AFF2: variants seen among roughly 807,000 people sequenced by gnomAD.
AFF2 encodes AF4/FMR2 family member 2.
In AFF2, 14 loss-of-function variants were observed where a neutral mutation model predicts 76.9. That is an observed-to-expected ratio of 0.18 (90% confidence interval 0.12 to 0.28). AFF2 has a LOEUF of 0.28. Among genes scored for constraint, AFF2 ranks in the 10% least tolerant of loss-of-function variants. AFF2 has a pLI of 1.00. For missense variants in AFF2, 868 were observed against 1,001.1 expected (o/e 0.87, Z 1.79); for synonymous variants, 398 against 366.7 (o/e 1.09, Z -0.98).
At chrX:148,844,924 T>C (rs1270468572) in intron 7 of AFF2, among the ~76,000 whole-genome samples, 1 of 111,721 alleles carries the variant, frequency 9.0e-6, no homozygotes, top group Non-Finnish European at 1.9e-5. Flanking sequence ...TAATCCCGAT[T>C]TAAGGACCGA....
chrX:148,976,490 A>G lies in AFF2; in HGVS notation c.3405-1443A>G, dbSNP rs782602759. 3.6e-5 allele frequency among the ~76,000 whole-genome samples: 4 copies of G among 112,163 alleles called. No individual in the cohort carries two copies. In the East Asian group the frequency reaches 1.1e-3, roughly 31 times the overall value. On this transcript the variant is annotated intron_variant, in intron 16 of 20. Coordinates refer to ENST00000370460, the MANE Select transcript of AFF2 (RefSeq NM_002025.4). ...TTTAATGAGAGGAATTTCAGTTGGG[A>G]ATAAAATGAGTTAAAGCAACTAGGT...
At chrX:148,517,861 CA>C (rs5904237) in intron 1 of AFF2, among the ~76,000 whole-genome samples, 88 of 97,284 alleles carry the variant, frequency 9.0e-4, no homozygotes, top group Admixed American at 1.5e-3. Flanking sequence ...ACTAAAAATA[CA>C]AAAAAAAAAA....
At chrX:148,661,214 G>A (rs890909174) in intron 2 of AFF2, among the ~76,000 whole-genome samples, 5 of 112,657 alleles carry the variant, frequency 4.4e-5, no homozygotes, top group African/African-American at 1.6e-4. Context: ...TTGAGTCACT[G>A]TTGATGAACA....
At chrX:148,709,913 G>T (rs897998547) in intron 3 of AFF2, among the ~76,000 whole-genome samples, 1 of 111,802 alleles carries the variant, frequency 8.9e-6, no homozygotes, top group Admixed American at 9.5e-5. Context: ...GGTACTTAAT[G>T]GCCCTGAGTC....
At chrX:148,951,619 A>G (rs904906873) in intron 9 of AFF2, among the ~76,000 whole-genome samples, 3 of 112,106 alleles carry the variant, frequency 2.7e-5, no homozygotes, top group Non-Finnish European at 5.6e-5. Flanking sequence ...GGAGGAATTG[A>G]GGCCAAGTTA....
At chrX:148,914,346 GA>G (rs1194634406) in intron 9 of AFF2, among the ~76,000 whole-genome samples, 5 of 111,872 alleles carry the variant, frequency 4.5e-5, no homozygotes, top group African/African-American at 1.6e-4. Context: ...TTGTAGAATA[GA>G]AAAGAAAGGA....
chrX:148,710,119 A>C (rs2054947137), intron 3 of AFF2, among the ~76,000 whole-genome samples: 1 of 112,063 alleles, frequency 8.9e-6, no homozygotes, highest in African/African-American at 3.2e-5. Flanking sequence ...AAATTGCCCA[A>C]AGCCAGACAC....
intron 3 of AFF2, among the ~76,000 whole-genome samples, chrX:148,732,239 C>T (rs2055229609): frequency 1.1e-5 from 1 of 92,133 alleles, no homozygotes; most frequent in African/African-American, 4.4e-5. Flanking sequence ...GAATACTATG[C>T]AGCCATAAAA....
intron 8 of AFF2, among the ~76,000 whole-genome samples, chrX:148,901,643 G>A (rs2071356514): frequency 8.9e-6 from 1 of 111,993 alleles, no homozygotes; most frequent in African/African-American, 3.2e-5. Flanking sequence ...CATTTCAAAA[G>A]AGAAATTCTC....
rs782193046 is a variant in AFF2 at position 148,580,306 on chromosome X, G to A, written c.48-71693G>A. On this transcript the variant is annotated intron_variant, in intron 1 of 20. Coordinates refer to ENST00000370460, the MANE Select transcript of AFF2 (RefSeq NM_002025.4). Reference sequence around the variant, plus strand: ...ACTCAGCTTCTAGGAGGCTCTTAGGGGGCTTATCCTTGGAACCAGCCCATC... The same window carrying A: ...ACTCAGCTTCTAGGAGGCTCTTAGGAGGCTTATCCTTGGAACCAGCCCATC... Among the ~76,000 whole-genome samples, 22 of 111,254 alleles carry A rather than the reference G, an allele frequency of 2.0e-4. No individual in the cohort carries two copies. The East Asian group carries it at 4.0e-3, about 20-fold the overall frequency.
At chrX:148,831,089 C>G (rs1458868640) in intron 4 of AFF2, among the ~76,000 whole-genome samples, 1 of 112,242 alleles carries the variant, frequency 8.9e-6, no homozygotes, top group African/African-American at 3.2e-5. Context: ...TCTGTTGCAC[C>G]CGGCCCACAG....
At chrX:148,598,458 G>T (rs1202816610) in intron 1 of AFF2, among the ~76,000 whole-genome samples, 1 of 111,875 alleles carries the variant, frequency 8.9e-6, no homozygotes, top group African/African-American at 3.3e-5. Flanking sequence ...CCTGTGCCAT[G>T]GCCAGGTGGC....
chrX:148,576,793 A>ATGTGTGTGTGTG (rs60411417), intron 1 of AFF2, among the ~76,000 whole-genome samples: 2 of 103,447 alleles, frequency 1.9e-5, no homozygotes, highest in African/African-American at 7.0e-5. Flanking sequence ...GTGTGTGTGT[A>ATGTGTGTGTGTG]TGTGTGTGTG....
chrX:148,826,465 G>A (rs1447081388), intron 4 of AFF2, among the ~76,000 whole-genome samples: 2 of 111,179 alleles, frequency 1.8e-5, no homozygotes, highest in Admixed American at 9.5e-5. Flanking sequence ...TAAAATATCA[G>A]ATATGAATCA....
intron 9 of AFF2, among the ~76,000 whole-genome samples, chrX:148,922,946 A>G (rs1420643783): frequency 8.9e-6 from 1 of 112,202 alleles, no homozygotes; most frequent in Non-Finnish European, 1.9e-5. Flanking sequence ...GCCAAGATGT[A>G]TTCTCTTACT....
chrX:148,797,849 A>T (rs996724261), intron 3 of AFF2, among the ~76,000 whole-genome samples: 14 of 111,542 alleles, frequency 1.3e-4, no homozygotes, highest in African/African-American at 3.6e-4. Context: ...CTGAAAGAAA[A>T]TTTTTTTTCT....
intron 9 of AFF2, among the ~76,000 whole-genome samples, chrX:148,930,572 G>A (rs930928572): frequency 6.2e-5 from 7 of 112,480 alleles, no homozygotes; most frequent in Non-Finnish European, 1.1e-4. Flanking sequence ...TTGCCTGCAA[G>A]TCACTACATG....
rs1004713656 is a variant in AFF2, at chrX:148,533,754, A to G, written c.47+32610A>G. On this transcript the variant is annotated intron_variant, in intron 1 of 20. Coordinates refer to ENST00000370460, the MANE Select transcript of AFF2 (RefSeq NM_002025.4). ...CCATTATTCTAATAAGAACTTTAAT[A>G]AGGCAAATCTAGAAATTGGTTTTAC... is the stretch of plus-strand genomic sequence containing the variant. Among the ~76,000 whole-genome samples, 12 of 112,303 alleles carry G rather than the reference A, an allele frequency of 1.1e-4. No homozygotes were observed. The Admixed American group carries it at 1.1e-3, about 11-fold the overall frequency.
chrX:148,613,139 T>G (rs1451049033), intron 1 of AFF2, among the ~76,000 whole-genome samples: 1 of 111,593 alleles, frequency 9.0e-6, no homozygotes, highest in African/African-American at 3.3e-5. Context: ...GAAGTGTGAA[T>G]TCAGCCTTTC....
Sources: allele counts gnomAD v4.1 joint callset (sites outside exome capture counted in the v4.1 genomes callset), GRCh38; gene constraint gnomAD v4.1.1; transcripts MANE v1.5; gene names NCBI Gene and HGNC (gene_info 2026-07-23, HGNC 2026-07-21).